Variants in SDSL observed in about 807,000 individuals in gnomAD.
The protein encoded by SDSL is serine dehydratase-like.
A neutral mutation model predicts 27.6 loss-of-function variants in SDSL; 26 were observed. The observed-to-expected ratio is 0.94, with a 90% confidence interval of 0.69 to 1.31. The LOEUF is 1.31. SDSL is among the 50% of genes most tolerant of loss of function. The pLI is 0.00. For synonymous variants in SDSL, 196 were observed against 180.6 expected (o/e 1.09, Z -0.69); for missense variants, 431 against 423.5 (o/e 1.02, Z -0.16).
chr12:113,437,892 A>G lies in SDSL; in HGVS notation c.803A>G (p.Glu268Gly). Residue 268 changes from glutamate to glycine, a missense_variant, in exon 8 of 8, where the codon GAG becomes GGG. By Grantham distance (98) the Glu-to-Gly change is moderately conservative. Coordinates refer to ENST00000403593, the MANE Select transcript of SDSL (RefSeq NM_001304993.2). Reference sequence around the variant, plus strand: ...CATCCCCCGATCCTGGCAGATGATGAGCGTATGCTGGTGGAGCCTGCCTGT... The same window carrying G: ...CATCCCCCGATCCTGGCAGATGATGGGCGTATGCTGGTGGAGCCTGCCTGT... The part of the protein sequence containing the change: ...VSAVQQLLDD[E>G]RMLVEPACGA... 3.1e-6 allele frequency: 5 copies of G among 1,597,860 alleles called. No individual in the cohort carries two copies. The highest frequency in any genetic ancestry group is 4.3e-6 in the Non-Finnish European group (5 of 1,173,042).
At chr12:113,423,129 A>G (rs1313018811) in intron 1 of SDSL, among the ~76,000 whole-genome samples, 1 of 152,166 alleles carries the variant, frequency 6.6e-6, no homozygotes, top group Non-Finnish European at 1.5e-5. Context: ...GGGCTTTTTC[A>G]TTTAACTGAT....
intron 4 of SDSL, among the ~76,000 whole-genome samples, chr12:113,433,404 G>T (rs1443073357): frequency 6.6e-6 from 1 of 152,178 alleles, no homozygotes; most frequent in East Asian, 1.9e-4. Context: ...AGATCGGCTG[G>T]CATGGGGTCC....
At chr12:113,428,496 G>A (rs1374711378) in intron 3 of SDSL, 37 bp downstream of exon 3, 5 of 1,594,568 alleles carry the variant, frequency 3.1e-6, no homozygotes, top group African/African-American at 1.3e-5. Context: ...GGCAGAGGTT[G>A]GGGGAGGAGG....
chr12:113,432,231 T>A (rs891473486), intron 4 of SDSL, among the ~76,000 whole-genome samples: 1 of 97,592 alleles, frequency 1.0e-5, no homozygotes, highest in Non-Finnish European at 2.3e-5. Context: ...TTTCTTTCTT[T>A]CTTTCTTTCT....
At chr12:113,436,923 C>A in intron 7 of SDSL, 48 bp downstream of exon 7, 1 of 1,490,236 alleles carries the variant, frequency 6.7e-7, no homozygotes, top group East Asian at 2.4e-5. Flanking sequence ...CACGAAGTCC[C>A]TGCATCCTCT....
chr12:113,424,711 C>G (rs866359950), intron 1 of SDSL, among the ~76,000 whole-genome samples: 19 of 151,864 alleles, frequency 1.3e-4, no homozygotes, highest in African/African-American at 4.1e-4. Context: ...AGGGACTCAA[C>G]AAATGACAGA....
chr12:113,437,448 G>A (rs1047497386), intron 7 of SDSL, among the ~76,000 whole-genome samples: 9 of 152,078 alleles, frequency 5.9e-5, no homozygotes, highest in African/African-American at 1.9e-4. Context: ...ATGGATGGAC[G>A]GATGGATGGA....
At chr12:113,437,741 G>C in intron 7 of SDSL, 145 bp from the exon 8 acceptor site, 1 of 729,738 alleles carries the variant, frequency 1.4e-6, no homozygotes, top group South Asian at 1.8e-5. Flanking sequence ...GAGAGCGTGA[G>C]ACAAGTGATG....
chr12:113,436,786 C>A lies in SDSL; in HGVS notation c.707C>A (p.Ala236Asp). The change falls in exon 7 of 8, where the codon GCT becomes GAT. Residue 236 changes from alanine (A) to aspartate (D), a missense_variant. Physicochemically the swap from Ala to Asp is moderately radical, Grantham distance 126. Coordinates refer to ENST00000403593, the MANE Select transcript of SDSL (RefSeq NM_001304993.2). ...AGCCTGGGTGCCAAGACGGTGGCCG[C>A]TCGGGCCCTGGAGTGCATGCAGGTG... ...AKSLGAKTVA[A>D]RALECMQVCK... The A allele has an allele frequency of 6.2e-7, 1 of 1,611,190 alleles. No individual in the cohort carries two copies. The highest frequency in any genetic ancestry group is 1.3e-5 in the African/African-American group (1 of 74,982).
intron 5 of SDSL, 58 bp from the exon 6 acceptor site, chr12:113,435,271 G>A: frequency 8.2e-7 from 1 of 1,225,288 alleles, no homozygotes; most frequent in Non-Finnish European, 1.1e-6. Context: ...CACCACAGGA[G>A]CCATCTGGGC....
At chr12:113,426,741 C>T (rs963593686) in intron 1 of SDSL, among the ~76,000 whole-genome samples, 3 of 152,058 alleles carry the variant, frequency 2.0e-5, no homozygotes, top group Non-Finnish European at 2.9e-5. Context: ...AGTTTGAGAC[C>T]AGCCTGGGCA....
chr12:113,434,073 G>T, intron 4 of SDSL, 61 bp from the exon 5 acceptor site: 1 of 1,412,954 alleles, frequency 7.1e-7, no homozygotes, highest in South Asian at 1.2e-5. Flanking sequence ...CTGGGCCTCT[G>T]CTCCGGCCTC....
At chr12:113,426,273 T>G (rs1957850190) in intron 1 of SDSL, 2 of 455,886 alleles carry the variant, frequency 4.4e-6, no homozygotes, top group Non-Finnish European at 8.8e-6. Context: ...TGTCATCCAT[T>G]TCAAAGTTCC....
At chr12:113,435,186 G>A (rs961288172) in intron 5 of SDSL, 143 bp from the exon 6 acceptor site, 3 of 528,142 alleles carry the variant, frequency 5.7e-6, no homozygotes, top group Non-Finnish European at 6.6e-6. Flanking sequence ...TCCCCTCACC[G>A]TGGATGGGAT....
chr12:113,427,932 C>T lies in SDSL; in HGVS notation c.-21-30C>T, dbSNP rs1250688146. 1.9e-6 allele frequency: 3 copies of T among 1,564,864 alleles called. No individual in the cohort carries two copies. The African/African-American group carries it at 4.1e-5, about 21-fold the overall frequency. ...TTAAGGGAACTCTTGATGGGGACTGCCTGGGTGGTGACTTTGTGTCCTCCT... is the reference window on the plus strand; with the variant it reads ...TTAAGGGAACTCTTGATGGGGACTGTCTGGGTGGTGACTTTGTGTCCTCCT... On this transcript the variant is annotated intron_variant, in intron 1 of 7. Coordinates refer to ENST00000403593, the MANE Select transcript of SDSL (RefSeq NM_001304993.2).
intron 6 of SDSL, 116 bp from the exon 7 acceptor site, chr12:113,436,635 G>A (rs1957997961): frequency 1.6e-5 from 18 of 1,115,492 alleles, no homozygotes; most frequent in Non-Finnish European, 2.2e-5. Flanking sequence ...ATAATGCTGA[G>A]CTCCAACCAG....
At chr12:113,426,674 G>A (rs1341322156) in intron 1 of SDSL, among the ~76,000 whole-genome samples, 2 of 152,224 alleles carry the variant, frequency 1.3e-5, no homozygotes, top group East Asian at 1.9e-4. Context: ...GCAGTGACTC[G>A]CGCCTGTAAT....
chr12:113,430,597 G>T (rs1957910041), intron 4 of SDSL, among the ~76,000 whole-genome samples: 1 of 152,082 alleles, frequency 6.6e-6, no homozygotes, highest in African/African-American at 2.4e-5. Context: ...GAGAAGAAAC[G>T]CATGACGGCT....
chr12:113,432,238 TTC>T (rs776121462), intron 4 of SDSL, among the ~76,000 whole-genome samples: 1 of 124,050 alleles, frequency 8.1e-6, no homozygotes, highest in Non-Finnish European at 1.7e-5. Flanking sequence ...CTTTCTTTCT[TTC>T]TTTCTTTCTT....
Sources: gnomAD v4.1 joint callset for allele counts (sites outside exome capture counted in the v4.1 genomes callset) on GRCh38, gnomAD v4.1.1 for gene constraint, MANE v1.5 for transcripts, NCBI Gene and HGNC (gene_info 2026-07-23, HGNC 2026-07-21) for gene names.